Variants in DRC11 observed in about 807,000 individuals in gnomAD.
DRC11 encodes the protein dynein regulatory complex subunit 11, also known as IQ and AAA domain-containing protein 1.
the DRC11 span, among the ~76,000 whole-genome samples, chr2:236,314,305 A>G: frequency 6.6e-5 from 10 of 152,348 alleles, no homozygotes; most frequent in Middle Eastern, 6.8e-3. The surrounding 1 kb of genome is among the most constrained non-coding windows in gnomAD (Gnocchi z 4.5). Context: ...GTCCACAACC[A>G]TACATGATAA....
the DRC11 span, among the ~76,000 whole-genome samples, chr2:236,319,333 C>G: frequency 9.9e-5 from 15 of 152,214 alleles, no homozygotes; most frequent in Non-Finnish European, 8.8e-5. The surrounding 1 kb of genome is among the most constrained non-coding windows in gnomAD (Gnocchi z 6.7). Context: ...ATGAAATGCA[C>G]GTCCAGGGAG....
chr2:236,327,534 C>T, the DRC11 span, among the ~76,000 whole-genome samples: 2 of 149,970 alleles, frequency 1.3e-5, no homozygotes, highest in Non-Finnish European at 2.9e-5. Flanking sequence ...CATGAGCCAC[C>T]GTGTTCAGCC....
the DRC11 span, among the ~76,000 whole-genome samples, chr2:236,307,339 C>T: frequency 6.6e-6 from 1 of 152,172 alleles, no homozygotes; most frequent in Non-Finnish European, 1.5e-5. This position sits in a 1 kb window ranked among gnomAD's most constrained non-coding sequence, Gnocchi z 7.0. Context: ...GGAAGGGGAG[C>T]CTGCAAAAAG....
the DRC11 span, among the ~76,000 whole-genome samples, chr2:236,495,521 G>C: frequency 1.3e-5 from 2 of 152,176 alleles, no homozygotes; most frequent in East Asian, 3.9e-4. This position sits in a 1 kb window ranked among gnomAD's most constrained non-coding sequence, Gnocchi z 5.6. Flanking sequence ...TCTGGTGGTA[G>C]AGAAAGCCTC....
At chr2:236,332,380 T>C in the DRC11 span, 2 of 152,196 alleles carry the variant, frequency 1.3e-5, no homozygotes, top group African/African-American at 4.8e-5. This position sits in a 1 kb window ranked among gnomAD's most constrained non-coding sequence, Gnocchi z 5.1. Flanking sequence ...GAGAATTACC[T>C]CTATTCTGTA....
At chr2:236,314,959 A>G in the DRC11 span, among the ~76,000 whole-genome samples, 1 of 152,206 alleles carries the variant, frequency 6.6e-6, no homozygotes, top group Non-Finnish European at 1.5e-5. The surrounding 1 kb of genome is among the most constrained non-coding windows in gnomAD (Gnocchi z 4.5). Context: ...AAATTCCTTT[A>G]GAAGTGCAAA....
the DRC11 span, chr2:236,408,780 C>T: frequency 4.5e-6 from 3 of 671,124 alleles, no homozygotes; most frequent in Non-Finnish European, 8.2e-6. The surrounding 1 kb of genome is among the most constrained non-coding windows in gnomAD (Gnocchi z 5.5). Context: ...GGTCTGGAGG[C>T]CTTGAGGTTT....
the DRC11 span, chr2:236,440,915 T>C: frequency 1.6e-6 from 1 of 635,478 alleles, no homozygotes; most frequent in Non-Finnish European, 2.8e-6. Flanking sequence ...CACCCAAAAG[T>C]ATTTCCATGT....
At chr2:236,507,412 C>A in the DRC11 span, 1 of 778,438 alleles carries the variant, frequency 1.3e-6, no homozygotes, top group Non-Finnish European at 2.2e-6. Context: ...ACCAGGACTG[C>A]GAGAATCTTC....
the DRC11 span, among the ~76,000 whole-genome samples, chr2:236,363,531 A>C: frequency 6.6e-6 from 1 of 152,196 alleles, no homozygotes; most frequent in Non-Finnish European, 1.5e-5. The surrounding 1 kb of genome is among the most constrained non-coding windows in gnomAD (Gnocchi z 5.6). Context: ...ACATGAAAGC[A>C]TTTCCAGAAG....
chr2:236,471,124 T>C, the DRC11 span, among the ~76,000 whole-genome samples: 1 of 152,166 alleles, frequency 6.6e-6, no homozygotes, highest in East Asian at 1.9e-4. The surrounding 1 kb of genome is among the most constrained non-coding windows in gnomAD (Gnocchi z 4.6). Flanking sequence ...ACTATCTTCA[T>C]CTTATATATG....
the DRC11 span, among the ~76,000 whole-genome samples, chr2:236,308,226 T>G: frequency 1.9e-3 from 282 of 152,374 alleles, 2 homozygotes; most frequent in African/African-American, 6.5e-3. The surrounding 1 kb of genome is among the most constrained non-coding windows in gnomAD (Gnocchi z 6.0). Context: ...GCCTTGCTTC[T>G]CTCAGTGTGG....
chr2:236,357,958 TATA>T, the DRC11 span, among the ~76,000 whole-genome samples: 1,135 of 103,634 alleles, frequency 0.011, 24 homozygotes, highest in African/African-American at 0.042. Context: ...TATAAATATA[TATA>T]ATATATGAAT....
chr2:236,410,010 C>T, the DRC11 span, among the ~76,000 whole-genome samples: 1 of 152,128 alleles, frequency 6.6e-6, no homozygotes, highest in Admixed American at 6.5e-5. Flanking sequence ...ATTCGGTTTG[C>T]CAGCATTTTA....
the DRC11 span, among the ~76,000 whole-genome samples, chr2:236,460,823 C>A: frequency 6.6e-6 from 1 of 152,148 alleles, no homozygotes; most frequent in Admixed American, 6.5e-5. The surrounding 1 kb of genome is among the most constrained non-coding windows in gnomAD (Gnocchi z 4.0). Context: ...GGTGAATTCT[C>A]GGCTCACTGC....
At chr2:236,461,917 G>C in the DRC11 span, among the ~76,000 whole-genome samples, 2 of 152,082 alleles carry the variant, frequency 1.3e-5, no homozygotes, top group East Asian at 3.9e-4. This position sits in a 1 kb window ranked among gnomAD's most constrained non-coding sequence, Gnocchi z 4.0. Flanking sequence ...GAACAGTCAG[G>C]GGGCTTTCAT....
the DRC11 span, among the ~76,000 whole-genome samples, chr2:236,500,887 A>C: frequency 6.6e-6 from 1 of 152,104 alleles, no homozygotes; most frequent in South Asian, 2.1e-4. The surrounding 1 kb of genome is among the most constrained non-coding windows in gnomAD (Gnocchi z 6.3). Flanking sequence ...TAGTAGAGAC[A>C]GAGTTTCTCC....
the DRC11 span, among the ~76,000 whole-genome samples, chr2:236,353,443 T>C: frequency 6.6e-6 from 1 of 152,156 alleles, no homozygotes; most frequent in African/African-American, 2.4e-5. The surrounding 1 kb of genome is among the most constrained non-coding windows in gnomAD (Gnocchi z 5.0). Context: ...ACCATCAGAA[T>C]TAGATTCTCA....
the DRC11 span, among the ~76,000 whole-genome samples, chr2:236,424,732 T>C: frequency 4.0e-5 from 6 of 151,372 alleles, 1 homozygote; most frequent in Middle Eastern, 6.8e-3. Flanking sequence ...ATGGTCATCA[T>C]GCTGGACAAT....
Sources: allele counts gnomAD v4.1 joint callset (sites outside exome capture counted in the v4.1 genomes callset), GRCh38; gene constraint gnomAD v4.1.1; non-coding constraint Gnocchi (gnomAD v3.1); transcripts MANE v1.5; gene names NCBI Gene and HGNC (gene_info 2026-07-23, HGNC 2026-07-21).